CDH19: variants seen among roughly 807,000 people sequenced by gnomAD.
The protein encoded by CDH19 is cadherin-19.
CDH19 carries 67 observed loss-of-function variants against 64.2 expected under a neutral mutation model. The observed-to-expected ratio is 1.04, with a 90% CI of 0.86 to 1.28. The LOEUF (loss-of-function observed/expected upper bound fraction) is 1.28. Among genes scored for constraint, CDH19 ranks in the 50% most tolerant of loss-of-function variants. CDH19 has a pLI of 0.00. For missense variants in CDH19, 1,030 were observed against 929.0 expected, an observed-to-expected ratio of 1.11 and a Z score of -1.41; for synonymous variants, 346 against 319.3, an observed-to-expected ratio of 1.08 and a Z score of -0.89.
chr18:66,597,796 C>T (rs911896023), intron 1 of CDH19, among the ~76,000 whole-genome samples: 3 of 152,016 alleles, frequency 2.0e-5, no homozygotes, highest in African/African-American at 4.8e-5. Flanking sequence ...TGAACAGAGG[C>T]TTCTCAAAAG....
intron 1 of CDH19, among the ~76,000 whole-genome samples, chr18:66,597,989 T>A (rs1988946748): frequency 1.3e-5 from 2 of 152,062 alleles, no homozygotes; most frequent in African/African-American, 4.8e-5. Context: ...CATGTATACA[T>A]ATGTAACAAA....
At chr18:66,535,189 C>A in intron 7 of CDH19, 82 bp from the exon 8 acceptor site, 4 of 781,744 alleles carry the variant, frequency 5.1e-6, no homozygotes, top group Non-Finnish European at 7.4e-6. Flanking sequence ...AGCAATAAGA[C>A]ATCTTATTCA....
In CDH19 at chr18:66,501,656, GT is replaced by G. The variant is rs1297430007; in HGVS notation, c.*3155del. ...TTCCAATAGAATACCATTAGCTGTT[GT>G]TATAATAATTCACTGTTATTTATTG... On this transcript the variant is annotated 3_prime_UTR_variant, in exon 12 of 12. Transcript: ENST00000262150. 1 of 152,086 alleles carries G rather than the reference GT, an allele frequency of 6.6e-6. No homozygotes were observed. The highest frequency in any genetic ancestry group is 2.4e-5 in the African/African-American group (1 of 41,416). 9.4% of individuals were successfully genotyped at this position (152,086 alleles called of 1,614,324 possible). A position where few individuals can be genotyped will look rare whatever the true frequency, so the allele number is the denominator to read the frequency against.
At chr18:66,531,205 C>T (rs964475519) in intron 8 of CDH19, among the ~76,000 whole-genome samples, 1 of 151,990 alleles carries the variant, frequency 6.6e-6, no homozygotes, top group Admixed American at 6.5e-5. Context: ...CGATTAAATA[C>T]ATTCCAGAGT....
At chr18:66,587,400 G>C (rs1988608122) in intron 1 of CDH19, among the ~76,000 whole-genome samples, 1 of 152,048 alleles carries the variant, frequency 6.6e-6, no homozygotes, top group African/African-American at 2.4e-5. Context: ...GAAAAGCTTA[G>C]GTTCAGATTT....
chr18:66,556,960 AG>A, intron 3 of CDH19, among the ~76,000 whole-genome samples: 1 of 151,968 alleles, frequency 6.6e-6, no homozygotes, highest in African/African-American at 2.4e-5. Context: ...CGTGCACTGT[AG>A]GTGGGAATGT....
chr18:66,583,954 T>C (rs533867616), intron 1 of CDH19, among the ~76,000 whole-genome samples: 2 of 152,242 alleles, frequency 1.3e-5, no homozygotes, highest in Non-Finnish European at 2.9e-5. Flanking sequence ...AAAGATTTTA[T>C]GACAAAGACA....
At chr18:66,526,740 ATATT>A (rs1191277248) in intron 9 of CDH19, among the ~76,000 whole-genome samples, 1 of 152,024 alleles carries the variant, frequency 6.6e-6, no homozygotes, top group African/African-American at 2.4e-5. Context: ...TTTCACATAT[ATATT>A]TAAAAGACAT....
At chr18:66,596,028 T>G (rs1215570247) in intron 1 of CDH19, 1 of 152,146 alleles carries the variant, frequency 6.6e-6, no homozygotes. Context: ...TAAATAAATG[T>G]GATTCATAAC....
rs966912558 is a variant in CDH19, at chr18:66,502,563, C to T, written c.*2249G>A. ...GTTGTTTATCATACTTTTTAGTTTT[C>T]TACTAAGATTACCTAGCATTCTTTT... On this transcript the variant is annotated 3_prime_UTR_variant, in exon 12 of 12. Transcript: ENST00000262150. 2.0e-5 allele frequency: 3 copies of T among 151,798 alleles called. No homozygotes were observed. The highest frequency in any genetic ancestry group is 7.2e-5 in the African/African-American group (3 of 41,380). 9.4% of individuals were successfully genotyped at this position (151,798 alleles called of 1,614,324 possible). A position where few individuals can be genotyped will look rare whatever the true frequency, so the allele number is the denominator to read the frequency against.
rs761733099 is a variant in CDH19, at chr18:66,509,195, T to C, written c.1628A>G (p.Glu543Gly). 6.2e-7 allele frequency: 1 copy of C among 1,612,590 alleles called. No individual in the cohort carries two copies. Among genetic ancestry groups the C allele is most frequent in the Non-Finnish European group, 8.5e-7 (1 of 1,179,040 alleles). ...TAAGATGGAGATGTAGAAGACAGGT[T>C]CTTCTTGAAGGTTAAAACCAGTTCT... is the stretch of plus-strand genomic sequence containing the variant. ...TNRTGFNLQEEPVFYISILIA... is the reference protein window; with the variant it reads ...TNRTGFNLQEGPVFYISILIA... The change falls in exon 11 of 12, where the codon GAA (glutamate) becomes GGA (glycine). Residue 543 changes from glutamate (E) to glycine (G), a missense_variant. Transcript: ENST00000262150.
rs1244737026 is a variant in CDH19 at position 66,502,056 on chromosome 18, A to G, written c.*2756T>C. 1 of 152,122 alleles carries G rather than the reference A, an allele frequency of 6.6e-6. No homozygotes were observed. Among genetic ancestry groups the G allele is most frequent in the Non-Finnish European group, 1.5e-5 (1 of 68,016 alleles). 9.4% of individuals were successfully genotyped at this position (152,122 alleles called of 1,614,324 possible). ...TCATAAATATTTTGCATTAATTTAG[A>G]GTTTATTAAAATTTACAAAAATAAA... On this transcript the variant is annotated 3_prime_UTR_variant, in exon 12 of 12. Coordinates refer to ENST00000262150, the MANE Select transcript of CDH19 (RefSeq NM_021153.4).
chr18:66,507,613 A>C (rs945608616), intron 11 of CDH19, among the ~76,000 whole-genome samples: 2 of 151,942 alleles, frequency 1.3e-5, no homozygotes, highest in Non-Finnish European at 2.9e-5. Flanking sequence ...TTATCTGCTT[A>C]TAAAAACAGT....
intron 10 of CDH19, among the ~76,000 whole-genome samples, chr18:66,509,576 G>A (rs988961847): frequency 2.0e-5 from 3 of 151,740 alleles, no homozygotes; most frequent in Admixed American, 1.3e-4. Context: ...GTTCCAAAAT[G>A]TCTTTGACAC....
intron 3 of CDH19, among the ~76,000 whole-genome samples, chr18:66,567,033 G>T (rs1987935803): frequency 6.6e-6 from 1 of 151,694 alleles, no homozygotes; most frequent in Non-Finnish European, 1.5e-5. Context: ...GTTTCCTCCA[G>T]ACAATTAATA....
At position 66,527,662 on chromosome 18, in the gene CDH19, A is replaced by C. The variant is rs142627942; in HGVS notation, c.1458+2183T>G. Among the ~76,000 whole-genome samples, 329 of 152,144 alleles carry C rather than the reference A, an allele frequency of 2.2e-3. 1 individual carries two copies. Among genetic ancestry groups the C allele is most frequent in the African/African-American group, 7.6e-3 (317 of 41,524 alleles). The stretch of plus-strand genomic sequence containing the variant: ...CTACTCGGGAGGCTAAGACAGGAGA[A>C]TCAATCGCTTGAACCCGAGACAGGG... On this transcript the variant is annotated intron_variant, in intron 9 of 11. Transcript: ENST00000262150.
At position 66,551,268 on chromosome 18, in the gene CDH19, T is replaced by C; in HGVS notation, c.611-10A>G. ...GATATTCTTATGACTCCTTTAAAAA[T>C]ATAATAAAATTCCAATTATTTCATT... On this transcript the variant is annotated splice_polypyrimidine_tract_variant and intron_variant, in intron 4 of 11. Transcript: ENST00000262150. The C allele has an allele frequency of 7.9e-7, 1 of 1,257,876 alleles. No homozygotes were observed. Among genetic ancestry groups the C allele is most frequent in the Non-Finnish European group, 1.2e-6 (1 of 866,336 alleles). The allele number at this position is 1,257,876 out of a possible 1,614,324, so 77.9% of individuals were successfully genotyped here.
At chr18:66,581,880 C>A (rs1988431402) in intron 1 of CDH19, among the ~76,000 whole-genome samples, 1 of 152,000 alleles carries the variant, frequency 6.6e-6, no homozygotes, top group Admixed American at 6.6e-5. Context: ...TAGCATTGCA[C>A]CTCTAAAGAA....
chr18:66,518,972 A>G (rs1985859936), intron 9 of CDH19, among the ~76,000 whole-genome samples: 1 of 152,204 alleles, frequency 6.6e-6, no homozygotes, highest in Non-Finnish European at 1.5e-5. Flanking sequence ...ACCAATGGTT[A>G]CATCTTATGT....
Sources: gnomAD v4.1 joint callset for allele counts (sites outside exome capture counted in the v4.1 genomes callset) on GRCh38, gnomAD v4.1.1 for gene constraint, MANE v1.5 for transcripts, NCBI Gene and HGNC (gene_info 2026-07-23, HGNC 2026-07-21) for gene names.